Variants in ARHGAP15 observed in about 807,000 individuals in gnomAD.
ARHGAP15 encodes the protein Rho GTPase activating protein 15.
In ARHGAP15, 51 loss-of-function variants were observed where a neutral mutation model predicts 63.7. That is an observed-to-expected ratio of 0.80 (90% CI 0.64 to 1.01). The LOEUF is 1.01. Ranked by LOEUF, ARHGAP15 falls within the 50% of genes least tolerant of loss-of-function variation. ARHGAP15 has a pLI of 0.00. For synonymous variants in ARHGAP15, 191 were observed against 193.8 expected, an observed-to-expected ratio of 0.99 and a Z score of 0.12; for missense variants, 560 against 564.6, an observed-to-expected ratio of 0.99 and a Z score of 0.08.
chr2:143,673,784 A>ATGTATATATATATATGTATATAT (rs71404481), intron 12 of ARHGAP15, among the ~76,000 whole-genome samples: 7 of 114,186 alleles, frequency 6.1e-5, no homozygotes, highest in African/African-American at 2.0e-4. Flanking sequence ...ATATATATAT[A>ATGTATATATATATATGTATATAT]AACAACTCCT....
At chr2:143,679,619 GTTGT>G (rs1300824900) in intron 12 of ARHGAP15, among the ~76,000 whole-genome samples, 11 of 151,070 alleles carry the variant, frequency 7.3e-5, no homozygotes, top group Non-Finnish European at 2.9e-5. Context: ...TTTTATAGAT[GTTGT>G]TTATTTCTTG....
intron 13 of ARHGAP15, among the ~76,000 whole-genome samples, chr2:143,720,556 C>T (rs929938698): frequency 7.9e-5 from 12 of 152,106 alleles, no homozygotes; most frequent in African/African-American, 2.7e-4. Flanking sequence ...ACTCATTCAC[C>T]AAGCACAGTA....
At chr2:143,442,406 G>T (rs920914801) in intron 8 of ARHGAP15, among the ~76,000 whole-genome samples, 1 of 151,942 alleles carries the variant, frequency 6.6e-6, no homozygotes, top group Non-Finnish European at 1.5e-5. Flanking sequence ...CATTGCTTTC[G>T]ATCTAGTTTC....
intron 11 of ARHGAP15, chr2:143,601,677 T>C (rs1418700858): frequency 1.3e-5 from 2 of 152,078 alleles, no homozygotes; most frequent in Non-Finnish European, 1.5e-5. Flanking sequence ...TTTTCTATTC[T>C]AATTCCTAAA....
intron 1 of ARHGAP15, among the ~76,000 whole-genome samples, chr2:143,138,922 A>T (rs1014964177): frequency 2.0e-5 from 3 of 152,118 alleles, no homozygotes; most frequent in Non-Finnish European, 4.4e-5. Context: ...ATCTCATTTA[A>T]CTTTTCCAAT....
intron 6 of ARHGAP15, among the ~76,000 whole-genome samples, chr2:143,354,947 C>T (rs563924935): frequency 2.6e-5 from 4 of 152,106 alleles, no homozygotes; most frequent in Non-Finnish European, 5.9e-5. Context: ...AAAGTGAAGG[C>T]CATTTTGAAT....
chr2:143,717,567 C>T (rs1380066448), intron 13 of ARHGAP15, among the ~76,000 whole-genome samples: 1 of 152,184 alleles, frequency 6.6e-6, no homozygotes, highest in Non-Finnish European at 1.5e-5. Flanking sequence ...ATTTCTTAGC[C>T]ACTTCTTGTC....
At chr2:143,320,411 C>CCA (rs1553463629) in intron 6 of ARHGAP15, among the ~76,000 whole-genome samples, 6 of 40,734 alleles carry the variant, frequency 1.5e-4, no homozygotes, top group African/African-American at 3.7e-4. Flanking sequence ...CTTCCCCACC[C>CCA]CCCCCCCCCC....
chr2:143,595,834 TCATAAA>T (rs1218693035), intron 11 of ARHGAP15, among the ~76,000 whole-genome samples: 2 of 152,150 alleles, frequency 1.3e-5, no homozygotes, highest in Non-Finnish European at 2.9e-5. Flanking sequence ...TATCTGAAAC[TCATAAA>T]CATTAAGATG....
intron 5 of ARHGAP15, among the ~76,000 whole-genome samples, chr2:143,229,433 C>T (rs1693353677): frequency 6.6e-6 from 1 of 152,084 alleles, no homozygotes; most frequent in African/African-American, 2.4e-5. Context: ...CATATACCTA[C>T]AAAGATTTGA....
intron 6 of ARHGAP15, among the ~76,000 whole-genome samples, chr2:143,393,840 T>A (rs1423405496): frequency 6.6e-6 from 1 of 151,818 alleles, no homozygotes; most frequent in Admixed American, 6.6e-5. Context: ...ACACTTCAAA[T>A]TGCTATTACC....
At chr2:143,337,248 A>G (rs1398906625) in intron 6 of ARHGAP15, among the ~76,000 whole-genome samples, 3 of 152,096 alleles carry the variant, frequency 2.0e-5, no homozygotes, top group African/African-American at 7.2e-5. Context: ...GAGAAAGAGC[A>G]GAAGAAGGTA....
In ARHGAP15 at chr2:143,228,683, GT is replaced by G; in HGVS notation, c.384+18del. On this transcript the variant is annotated intron_variant, in intron 5 of 13. Transcript: ENST00000295095. ...TGTCCAATATGGTAAGTAATTCTCT[GT>G]TTCTATTGTTAAATATCTTTTCAGA... The G allele has an allele frequency of 6.7e-7, 1 of 1,489,766 alleles. No individual in the cohort carries two copies. The highest frequency in any genetic ancestry group is 9.0e-7 in the Non-Finnish European group (1 of 1,107,566). 92.3% of individuals were successfully genotyped at this position (1,489,766 alleles called of 1,614,324 possible).
At chr2:143,522,955 C>T (rs1157054308) in intron 10 of ARHGAP15, among the ~76,000 whole-genome samples, 2 of 152,070 alleles carry the variant, frequency 1.3e-5, no homozygotes, top group African/African-American at 2.4e-5. Flanking sequence ...GATAGAAGGG[C>T]CTAGGAGACC....
intron 8 of ARHGAP15, among the ~76,000 whole-genome samples, chr2:143,468,707 G>A (rs886511988): frequency 2.0e-5 from 3 of 151,302 alleles, no homozygotes; most frequent in Non-Finnish European, 2.9e-5. Flanking sequence ...TAAGAGGTGT[G>A]CATACTTCTG....
At chr2:143,477,458 C>T (rs76189538) in intron 8 of ARHGAP15, among the ~76,000 whole-genome samples, 14,858 of 151,830 alleles carry the variant, frequency 0.098, 946 homozygotes, top group Middle Eastern at 0.15. Context: ...TTAATAATTG[C>T]TTCTGTTAAC....
At chr2:143,316,261 TCAAA>T (rs1432719466) in intron 6 of ARHGAP15, among the ~76,000 whole-genome samples, 2 of 151,912 alleles carry the variant, frequency 1.3e-5, no homozygotes, top group Non-Finnish European at 2.9e-5. Context: ...AATGCCATTC[TCAAA>T]CAAGCAGTAT....
chr2:143,270,129 C>T (rs770673804), intron 6 of ARHGAP15, among the ~76,000 whole-genome samples: 10 of 152,064 alleles, frequency 6.6e-5, no homozygotes, highest in African/African-American at 9.7e-5. Flanking sequence ...CGCACCCCCA[C>T]GCCTGGCTAA....
At chr2:143,581,820 C>T (rs1412157204) in intron 11 of ARHGAP15, among the ~76,000 whole-genome samples, 4 of 152,158 alleles carry the variant, frequency 2.6e-5, no homozygotes, top group Admixed American at 6.6e-5. Context: ...AGAGCAAAAA[C>T]TCTCATCTTC....
Sources: gnomAD v4.1 joint callset for allele counts (sites outside exome capture counted in the v4.1 genomes callset) on GRCh38, gnomAD v4.1.1 for gene constraint, MANE v1.5 for transcripts, NCBI Gene and HGNC (gene_info 2026-07-23, HGNC 2026-07-21) for gene names.